Variants in AHI1 observed in about 807,000 individuals in gnomAD.
AHI1 encodes Abelson helper integration site 1.
In AHI1, 123 loss-of-function variants were observed where a neutral mutation model predicts 149.3. The ratio of observed to expected loss-of-function variants is 0.82; its 90% CI spans 0.71 to 0.96. AHI1 has a LOEUF of 0.96. Among genes scored for constraint, AHI1 ranks in the 40% least tolerant of loss-of-function variants. The pLI is 0.00. For missense variants in AHI1, 1,439 were observed against 1,422.7 expected (o/e 1.01, Z -0.18); for synonymous variants, 475 against 459.8 (o/e 1.03, Z -0.42).
chr6:135,427,914 A>C (rs1784127085), intron 19 of AHI1, among the ~76,000 whole-genome samples: 1 of 151,496 alleles, frequency 6.6e-6, no homozygotes, highest in African/African-American at 2.4e-5. Flanking sequence ...ATTGATGCTA[A>C]AGCATCAAAA....
intron 5 of AHI1, among the ~76,000 whole-genome samples, chr6:135,487,077 A>T (rs1794582345): frequency 6.6e-6 from 1 of 152,124 alleles, no homozygotes; most frequent in Non-Finnish European, 1.5e-5. Context: ...TGATATTTTA[A>T]AAGTCTATTT....
intron 11 of AHI1, among the ~76,000 whole-genome samples, chr6:135,452,846 G>A (rs1170999482): frequency 3.3e-5 from 5 of 151,864 alleles, no homozygotes; most frequent in South Asian, 4.2e-4. Flanking sequence ...CTTCCCCACC[G>A]GTGGCAATGT....
At chr6:135,313,613 C>T (rs1276665446) in intron 26 of AHI1, among the ~76,000 whole-genome samples, 1 of 152,094 alleles carries the variant, frequency 6.6e-6, no homozygotes, top group African/African-American at 2.4e-5. Flanking sequence ...CTATGAGGGG[C>T]AAAAGTCATA....
At position 135,466,278 on chromosome 6, in the gene AHI1, T is replaced by G; in HGVS notation, c.285A>C (p.Arg95Ser). The G allele has an allele frequency of 6.2e-7, 1 of 1,613,972 alleles. No homozygotes were observed. The highest frequency in any genetic ancestry group is 8.5e-7 in the Non-Finnish European group (1 of 1,179,866). ...TGTTCCTCAATTTGTTTTTAGTGAC[T>G]CTCGTGCTCTTCTTCAGGTTGTTAG... ...ANTNNLKKST[R>S]VTKNKLRNTQ... The change falls in exon 7 of 29, where the codon AGA becomes AGC. Residue 95 changes from arginine to serine, a missense_variant. Transcript: ENST00000265602.
intron 26 of AHI1, chr6:135,302,414 T>C: frequency 3.0e-6 from 3 of 990,388 alleles, no homozygotes; most frequent in Non-Finnish European, 3.6e-6. Flanking sequence ...AATAATATGT[T>C]GCCATGTGCA....
At chr6:135,336,513 G>T (rs1040067680) in intron 24 of AHI1, among the ~76,000 whole-genome samples, 14 of 152,134 alleles carry the variant, frequency 9.2e-5, no homozygotes, top group Non-Finnish European at 1.5e-4. Flanking sequence ...CAGGAGGATA[G>T]CTTGAGCCCT....
intron 20 of AHI1, among the ~76,000 whole-genome samples, chr6:135,412,090 C>G (rs982223396): frequency 4.6e-5 from 7 of 151,796 alleles, no homozygotes; most frequent in Non-Finnish European, 7.4e-5. Flanking sequence ...TTTACACATT[C>G]TCTTATACTG....
At chr6:135,492,743 A>C (rs1795423157) in intron 3 of AHI1, 1 of 985,320 alleles carries the variant, frequency 1.0e-6, no homozygotes, top group African/African-American at 1.7e-5. Context: ...TGTGTCTGCC[A>C]CTGAAAATTC....
intron 24 of AHI1, among the ~76,000 whole-genome samples, chr6:135,348,415 AT>A (rs1396808097): frequency 1.3e-5 from 2 of 152,120 alleles, no homozygotes; most frequent in African/African-American, 4.8e-5. Context: ...GAGTGGTTAA[AT>A]TTTATTTTCC....
At chr6:135,357,597 G>A (rs532279804) in intron 24 of AHI1, among the ~76,000 whole-genome samples, 1 of 152,178 alleles carries the variant, frequency 6.6e-6, no homozygotes, top group South Asian at 2.1e-4. Flanking sequence ...AATGTACAGT[G>A]TACTCTATAT....
chr6:135,383,356 T>A (rs917552181), intron 23 of AHI1, among the ~76,000 whole-genome samples: 1 of 151,152 alleles, frequency 6.6e-6, no homozygotes, highest in Non-Finnish European at 1.5e-5. Context: ...CTCAGCCTTC[T>A]GAGTAGGTGG....
chr6:135,463,400 A>C, intron 7 of AHI1, 94 bp from the exon 8 acceptor site: 2 of 1,036,976 alleles, frequency 1.9e-6, no homozygotes, highest in South Asian at 4.2e-5. Context: ...ATAGGAGCAA[A>C]GATAATCCTA....
At chr6:135,348,438 G>A (rs746124845) in intron 24 of AHI1, among the ~76,000 whole-genome samples, 4 of 151,996 alleles carry the variant, frequency 2.6e-5, no homozygotes, top group Non-Finnish European at 5.9e-5. Flanking sequence ...TTTGGTAAAG[G>A]AAAATTTTAA....
rs186923314 is a variant in AHI1 at position 135,334,564 on chromosome 6, G to A, written c.3166-11240C>T. Among the ~76,000 whole-genome samples the A allele has an allele frequency of 2.8e-4, 42 of 152,232 alleles. No individual in the cohort carries two copies. The South Asian group carries it at 6.6e-3, about 24-fold the overall frequency. ...TATGAATTAAACCTTTTCTTACTGCGAATCACAATTCACATACTTTATTAT... is the reference window on the plus strand; with the variant it reads ...TATGAATTAAACCTTTTCTTACTGCAAATCACAATTCACATACTTTATTAT... On this transcript the variant is annotated intron_variant, in intron 24 of 28. Coordinates refer to ENST00000265602, the MANE Select transcript of AHI1 (RefSeq NM_001134831.2).
At chr6:135,443,088 G>A (rs1002450929) in intron 13 of AHI1, among the ~76,000 whole-genome samples, 11 of 152,146 alleles carry the variant, frequency 7.2e-5, no homozygotes, top group African/African-American at 2.2e-4. Context: ...AAAGTCACAA[G>A]CTTTTTTTAA....
At chr6:135,461,693 C>T (rs535674013) in intron 8 of AHI1, among the ~76,000 whole-genome samples, 2 of 151,920 alleles carry the variant, frequency 1.3e-5, no homozygotes, top group South Asian at 2.1e-4. Context: ...ATAAAATAGG[C>T]AAATTAACTG....
chr6:135,478,465 G>C (rs990101960), intron 5 of AHI1, among the ~76,000 whole-genome samples: 1 of 152,222 alleles, frequency 6.6e-6, no homozygotes, highest in Non-Finnish European at 1.5e-5. Flanking sequence ...CACTGAACTT[G>C]AGAGAGATGA....
Position 135,491,847 on chromosome 6 carries a change from G to C in AHI1, c.10+381C>G, listed in dbSNP as rs117183298. Reference sequence around the variant, plus strand: ...TTTCATGCTTTAAAAGAGACAGAGAGACAGAGTTGAGCAGTTATAGCAGAG... The same window carrying C: ...TTTCATGCTTTAAAAGAGACAGAGACACAGAGTTGAGCAGTTATAGCAGAG... On this transcript the variant is annotated intron_variant, in intron 4 of 28. Transcript: ENST00000265602. Among the ~76,000 whole-genome samples, 879 of 152,342 alleles carry C rather than the reference G, an allele frequency of 5.8e-3. 4 individuals carry two copies. Among genetic ancestry groups the C allele is most frequent in the Non-Finnish European group, 8.5e-3 (580 of 68,030 alleles).
At chr6:135,334,311 AC>A (rs1789045708) in intron 24 of AHI1, among the ~76,000 whole-genome samples, 1 of 152,190 alleles carries the variant, frequency 6.6e-6, no homozygotes, top group South Asian at 2.1e-4. Context: ...TAAAGCCCTT[AC>A]AAAAGAAACC....
Sources: allele counts gnomAD v4.1 joint callset (sites outside exome capture counted in the v4.1 genomes callset), GRCh38; gene constraint gnomAD v4.1.1; transcripts MANE v1.5; gene names NCBI Gene and HGNC (gene_info 2026-07-23, HGNC 2026-07-21).